ASH1L: variants seen among roughly 807,000 people sequenced by gnomAD.
ASH1L encodes ASH1 like histone lysine methyltransferase, also known as histone-lysine N-methyltransferase ASH1L.
ASH1L carries 23 observed loss-of-function variants against 269.0 expected under a neutral mutation model. That is an observed-to-expected ratio of 0.09 (90% CI 0.06 to 0.12). ASH1L has a LOEUF of 0.12. Among genes scored for constraint, ASH1L ranks in the 10% least tolerant of loss-of-function variants. The pLI is 1.00. For missense variants in ASH1L, 2,912 were observed against 3,567.8 expected, an observed-to-expected ratio of 0.82 and a Z score of 4.68; for synonymous variants, 1,187 against 1,253.5, an observed-to-expected ratio of 0.95 and a Z score of 1.12.
chr1:155,557,576 G>A (rs1023973584), intron 1 of ASH1L, among the ~76,000 whole-genome samples: 8 of 152,014 alleles, frequency 5.3e-5, no homozygotes, highest in Non-Finnish European at 7.4e-5. Flanking sequence ...CACCACGCCC[G>A]GCCTAGAAAT....
At chr1:155,363,513 C>T (rs750333615) in intron 12 of ASH1L, among the ~76,000 whole-genome samples, 2 of 151,670 alleles carry the variant, frequency 1.3e-5, no homozygotes, top group Non-Finnish European at 2.9e-5. Flanking sequence ...CAAAGTGCTG[C>T]GATTACAGGC....
At chr1:155,511,870 C>A (rs138055384) in intron 2 of ASH1L, among the ~76,000 whole-genome samples, 1 of 151,692 alleles carries the variant, frequency 6.6e-6, no homozygotes, top group African/African-American at 2.4e-5. Flanking sequence ...GAGTGCAATG[C>A]CGGGATCTCG....
chr1:155,417,433 T>C (rs747159206), intron 5 of ASH1L, among the ~76,000 whole-genome samples: 5 of 152,188 alleles, frequency 3.3e-5, no homozygotes, highest in South Asian at 2.1e-4. Flanking sequence ...TCTCTTTTAG[T>C]ATACTGCTAA....
intron 5 of ASH1L, among the ~76,000 whole-genome samples, chr1:155,420,630 C>G (rs1037469649): frequency 6.6e-6 from 1 of 150,726 alleles, no homozygotes; most frequent in Non-Finnish European, 1.5e-5. Context: ...GTAGGTGGAT[C>G]ACTTGAGGTC....
intron 11 of ASH1L, 44 bp downstream of exon 11, chr1:155,370,733 T>G (rs370323668): frequency 1.5e-5 from 25 of 1,612,932 alleles, no homozygotes; most frequent in Non-Finnish European, 2.1e-5. Context: ...ATTCTAATCT[T>G]ATACCTTGGC....
At chr1:155,483,586 A>G (rs1377754034) in intron 2 of ASH1L, among the ~76,000 whole-genome samples, 1 of 151,846 alleles carries the variant, frequency 6.6e-6, no homozygotes, top group Non-Finnish European at 1.5e-5. Context: ...GTTATAAACT[A>G]GAAAAATTCC....
rs571799844 is a variant in ASH1L, at chr1:155,433,516, G to A, written c.5828+4811C>T. ...AGAGCAACTCCGATGGCACCTCCCT[G>A]GAGCCCTGCACCGTCCCCCCTGGTG... On this transcript the variant is annotated intron_variant, in intron 5 of 27. Coordinates refer to ENST00000392403, the MANE Select transcript of ASH1L (RefSeq NM_018489.3). 1.2e-5 allele frequency: 20 copies of A among 1,610,158 alleles called. No individual in the cohort carries two copies. In the South Asian group the frequency reaches 2.1e-4, roughly 17 times the overall value.
chr1:155,447,320 AT>A (rs1663112525), intron 4 of ASH1L, among the ~76,000 whole-genome samples: 2 of 152,034 alleles, frequency 1.3e-5, no homozygotes, highest in Admixed American at 1.3e-4. Flanking sequence ...CAATTAGGTG[AT>A]TTTTCTCATG....
chr1:155,541,581 A>C (rs1234929745), intron 1 of ASH1L, among the ~76,000 whole-genome samples: 1 of 152,142 alleles, frequency 6.6e-6, no homozygotes, highest in Non-Finnish European at 1.5e-5. Flanking sequence ...AAGTTAGACA[A>C]ATTTTTTACT....
At chr1:155,562,069 A>G (rs1305148063) in intron 1 of ASH1L, 84 bp downstream of exon 1, 7 of 922,506 alleles carry the variant, frequency 7.6e-6, no homozygotes, top group Admixed American at 5.0e-5. Flanking sequence ...GGTCCGGGAG[A>G]TGACAGTGGC....
chr1:155,561,956 G>A, intron 1 of ASH1L, 197 bp downstream of exon 1: 2 of 514,714 alleles, frequency 3.9e-6, no homozygotes, highest in East Asian at 3.5e-5. Context: ...CTGCCTGTCA[G>A]GGACACCCCT....
At chr1:155,406,899 T>C (rs1033508487) in intron 6 of ASH1L, among the ~76,000 whole-genome samples, 2 of 152,040 alleles carry the variant, frequency 1.3e-5, no homozygotes, top group African/African-American at 4.8e-5. Context: ...GAGGATAGAA[T>C]TTCCCCTGAT....
chr1:155,434,556 A>G (rs1193797045), intron 5 of ASH1L, among the ~76,000 whole-genome samples: 3 of 151,690 alleles, frequency 2.0e-5, no homozygotes, highest in Admixed American at 6.6e-5. Context: ...CTAACAGTAT[A>G]TAAGAATTTA....
At chr1:155,531,192 T>C (rs1169020454) in intron 1 of ASH1L, among the ~76,000 whole-genome samples, 1 of 151,732 alleles carries the variant, frequency 6.6e-6, no homozygotes, top group African/African-American at 2.4e-5. Context: ...CCACAACATT[T>C]TACAATTTGG....
chr1:155,527,436 G>A (rs750070471), intron 1 of ASH1L, among the ~76,000 whole-genome samples: 1 of 151,048 alleles, frequency 6.6e-6, no homozygotes. Context: ...TAAGAAGAAT[G>A]ATCAATTCTC....
Position 155,459,876 on chromosome 1 carries a change from T to A in ASH1L, c.5007A>T (p.Lys1669Asn), listed in dbSNP as rs748914762. 1.9e-6 allele frequency: 3 copies of A among 1,606,284 alleles called. No homozygotes were observed. The South Asian group carries it at 3.4e-5, about 18-fold the overall frequency. Reference protein sequence around the residue: ...TLAGSQPTSDKPSQRPSESTN... With the variant: ...TLAGSQPTSDNPSQRPSESTN... ...TGCTCTCTGATGGCCGCTGGGAGGG[T>A]TTATCAGAGGTTGGCTGGGAGCCTG... The change falls in exon 4 of 28, where the codon AAA becomes AAT. Residue 1669 changes from lysine (K) to asparagine (N), a missense_variant. Lys to Asn is a moderately conservative substitution (Grantham distance 94). Around this residue, in one of 13 missense-constraint regions of ASH1L, gnomAD observed 789 missense variants for 897.6 expected, o/e 0.88. Coordinates refer to ENST00000392403, the MANE Select transcript of ASH1L (RefSeq NM_018489.3).
chr1:155,531,347 G>A (rs1201339197), intron 1 of ASH1L, among the ~76,000 whole-genome samples: 1 of 151,682 alleles, frequency 6.6e-6, no homozygotes, highest in Non-Finnish European at 1.5e-5. Context: ...AAGAATTTCA[G>A]CATTTTTCCA....
chr1:155,339,391 G>T (rs1332387272), intron 25 of ASH1L, 23 bp from the exon 26 acceptor site: 1 of 1,612,646 alleles, frequency 6.2e-7, no homozygotes. Flanking sequence ...AAAGGAAGAG[G>T]TAAGCATATT....
rs1665743058 is a variant in ASH1L, at chr1:155,478,671, T to C, written c.4199A>G (p.Tyr1400Cys). Residue 1400 changes from tyrosine (Y) to cysteine (C), a missense_variant, in exon 3 of 28, where the codon TAC (tyrosine) becomes TGC (cysteine). This residue lies in a region of ASH1L where 789 missense variants were observed against 897.6 expected (regional missense o/e 0.88). Transcript: ENST00000392403. This position sits in a 1 kb window ranked among gnomAD's most constrained non-coding sequence, Gnocchi z 4.6. ...AAGAGTGGGAGGATACCTTCCATAGTAACCTAATCCTATGGGAGCAGCTGT... is the reference window on the plus strand; with the variant it reads ...AAGAGTGGGAGGATACCTTCCATAGCAACCTAATCCTATGGGAGCAGCTGT... ...PLTAAPIGLG[Y>C]YGRYPPTLYP... The C allele has an allele frequency of 6.2e-7, 1 of 1,613,960 alleles. No individual in the cohort carries two copies. Among genetic ancestry groups the C allele is most frequent in the African/African-American group, 1.3e-5 (1 of 75,026 alleles).
Sources: gnomAD v4.1 joint callset for allele counts (sites outside exome capture counted in the v4.1 genomes callset) on GRCh38, gnomAD v4.1.1 for gene constraint, gnomAD v4.1.1 regional missense constraint, Gnocchi (gnomAD v3.1) non-coding constraint, MANE v1.5 for transcripts, NCBI Gene and HGNC (gene_info 2026-07-23, HGNC 2026-07-21) for gene names.